ZBTB38: variants seen among roughly 807,000 people sequenced by gnomAD.
ZBTB38 encodes zinc finger and BTB domain containing 38, also known as zinc finger and BTB domain-containing protein 38.
Under a neutral mutation model 76.8 loss-of-function variants are expected in ZBTB38, and 20 were observed. The ratio of observed to expected loss-of-function variants is 0.26; its 90% CI spans 0.18 to 0.38. The LOEUF (loss-of-function observed/expected upper bound fraction) is 0.38, where lower values mean the gene tolerates loss of function less well. Ranked by LOEUF, ZBTB38 falls within the 10% of genes least tolerant of loss-of-function variation. The probability of loss-of-function intolerance (pLI) is 1.00; values close to 1 mark genes in which losing one functional copy is unlikely to be tolerated. For synonymous variants in ZBTB38, 504 were observed against 544.2 expected (o/e 0.93, Z 1.03); for missense variants, 1,082 against 1,482.3 (o/e 0.73, Z 4.43).
intron 1 of ZBTB38, among the ~76,000 whole-genome samples, chr3:141,338,896 G>A (rs957346784): frequency 2.6e-5 from 4 of 152,078 alleles, no homozygotes; most frequent in African/African-American, 9.7e-5. Context: ...GACAGAATAG[G>A]TAAACAAACA....
At chr3:141,377,900 G>T (rs1265256076) in intron 2 of ZBTB38, among the ~76,000 whole-genome samples, 1 of 152,172 alleles carries the variant, frequency 6.6e-6, no homozygotes, top group Non-Finnish European at 1.5e-5. Context: ...AAATCACAGT[G>T]ATAGGCCATG....
chr3:141,381,056 T>C (rs1428124135), intron 2 of ZBTB38, among the ~76,000 whole-genome samples: 1 of 152,344 alleles, frequency 6.6e-6, no homozygotes, highest in East Asian at 1.9e-4. Context: ...TGAATGTGTT[T>C]TGCCAATTCA....
At chr3:141,415,427 A>T (rs921401255) in intron 5 of ZBTB38, among the ~76,000 whole-genome samples, 2 of 152,110 alleles carry the variant, frequency 1.3e-5, no homozygotes, top group Non-Finnish European at 2.9e-5. Flanking sequence ...GAGTCCTGAC[A>T]TTTGCTACCC....
chr3:141,401,482 A>G (rs1951923924), intron 4 of ZBTB38, among the ~76,000 whole-genome samples: 1 of 152,168 alleles, frequency 6.6e-6, no homozygotes, highest in Admixed American at 6.5e-5. Context: ...TAATATTGGA[A>G]TCTATTCATC....
rs866399427 is a variant in ZBTB38, at chr3:141,354,179, T to C, written c.-738-14442T>C. ...AACTTTTAAAAAATACCATAAACGT[T>C]ATTACAAGGAAATCATTACTAACCT... On this transcript the variant is annotated intron_variant, in intron 1 of 7. Transcript: ENST00000509842. Among the ~76,000 whole-genome samples, 5 of 152,162 alleles carry C rather than the reference T, an allele frequency of 3.3e-5. No homozygotes were observed. The South Asian group carries it at 1.0e-3, about 32-fold the overall frequency.
rs982823431 is a variant in ZBTB38, at chr3:141,445,652, T to C, written c.3264T>C (p.His1088=). The change falls in exon 6 of 6, where the codon CAT becomes CAC. Residue 1088 remains histidine (H), a synonymous_variant. Coordinates refer to ENST00000321464, the MANE Select transcript of ZBTB38 (RefSeq NM_001376113.1). This position sits in a 1 kb window ranked among gnomAD's most constrained non-coding sequence, Gnocchi z 6.5. ...CCCTCAAAATCCATGAAAGAATCCA[T>C]ACTGGAGAAAAGCGTTACCACTGTC... ...NETLKIHERI[H]TGEKRYHCQF... 1.2e-6 allele frequency: 2 copies of C among 1,614,194 alleles called. No individual in the cohort carries two copies. The highest frequency in any genetic ancestry group is 1.1e-5 in the South Asian group (1 of 91,088).
chr3:141,406,120 A>G (rs1168586014), intron 5 of ZBTB38, among the ~76,000 whole-genome samples: 2 of 152,244 alleles, frequency 1.3e-5, no homozygotes, highest in African/African-American at 4.8e-5. Context: ...ACTGGAGAAC[A>G]TTCAGTGCCA....
chr3:141,426,774 AG>A (rs1475608364), intron 5 of ZBTB38, among the ~76,000 whole-genome samples: 4 of 152,202 alleles, frequency 2.6e-5, no homozygotes, highest in African/African-American at 9.7e-5. Context: ...CTTTGAACAA[AG>A]CATGTCGGTA....
intron 4 of ZBTB38, among the ~76,000 whole-genome samples, chr3:141,395,627 T>C (rs902698660): frequency 6.6e-6 from 1 of 152,218 alleles, no homozygotes; most frequent in African/African-American, 2.4e-5. Context: ...AATAATGATA[T>C]ACTATCATTC....
intron 1 of ZBTB38, among the ~76,000 whole-genome samples, chr3:141,345,225 G>C (rs1399982216): frequency 6.6e-6 from 1 of 152,082 alleles, no homozygotes; most frequent in Non-Finnish European, 1.5e-5. Flanking sequence ...AGCTCTAGTG[G>C]TTTCTGTGGG....
intron 4 of ZBTB38, among the ~76,000 whole-genome samples, chr3:141,403,416 A>T (rs1953073953): frequency 6.6e-6 from 1 of 152,238 alleles, no homozygotes; most frequent in Non-Finnish European, 1.5e-5. Context: ...AGATTGTGGG[A>T]TCAGTTTAGC....
intron 5 of ZBTB38, among the ~76,000 whole-genome samples, chr3:141,422,297 CA>C (rs1041691384): frequency 3.3e-5 from 5 of 152,184 alleles, no homozygotes; most frequent in African/African-American, 1.2e-4. Flanking sequence ...TCTCCTCCTG[CA>C]TCCTGCCCCA....
chr3:141,443,572 G>C lies in ZBTB38; in HGVS notation c.1184G>C (p.Arg395Thr), dbSNP rs1055935181. Residue 395 changes from arginine to threonine, a missense_variant, in exon 6 of 6, where the codon AGG becomes ACG. This residue lies in a region of ZBTB38 where 324 missense variants were observed against 359.1 expected (regional missense o/e 0.90). Transcript: ENST00000321464. The surrounding 1 kb of genome is among the most constrained non-coding windows in gnomAD (Gnocchi z 5.6). Reference sequence around the variant, plus strand: ...GATCGGCATGAACAGATCTGCATGAGGTCAAGCCACATGCCCATTCCTGGA... The same window carrying C: ...GATCGGCATGAACAGATCTGCATGACGTCAAGCCACATGCCCATTCCTGGA... ...RLDRHEQICM[R>T]SSHMPIPGGN... 1.9e-6 allele frequency: 3 copies of C among 1,614,154 alleles called. No homozygotes were observed.
intron 1 of ZBTB38, among the ~76,000 whole-genome samples, chr3:141,344,616 C>T (rs932072792): frequency 2.8e-4 from 42 of 152,180 alleles, no homozygotes; most frequent in Non-Finnish European, 2.9e-5. Context: ...TCAAGTGATC[C>T]TCCTGCCTTG....
intron 4 of ZBTB38, among the ~76,000 whole-genome samples, chr3:141,393,760 G>C (rs1949595905): frequency 1.3e-5 from 2 of 151,092 alleles, no homozygotes; most frequent in African/African-American, 5.0e-5. Context: ...AAGGTACCAG[G>C]GAGAAAGTGG....
At chr3:141,434,315 T>C (rs1280037766) in intron 5 of ZBTB38, 2 of 623,380 alleles carry the variant, frequency 3.2e-6, no homozygotes, top group African/African-American at 4.0e-5. Context: ...TAAGGCTTTA[T>C]TCAGGCAGAA....
chr3:141,346,782 T>TTTTGTGTGTGTGTGTGTG (rs150173767), intron 1 of ZBTB38, among the ~76,000 whole-genome samples: 438 of 144,674 alleles, frequency 3.0e-3, no homozygotes, highest in Non-Finnish European at 4.4e-3. Flanking sequence ...TTGTTTTGTT[T>TTTTGTGTGTGTGTGTGTG]TGTGTGTGTG....
At chr3:141,353,207 C>A (rs950584018) in intron 1 of ZBTB38, among the ~76,000 whole-genome samples, 3 of 152,070 alleles carry the variant, frequency 2.0e-5, no homozygotes, top group African/African-American at 7.3e-5. Flanking sequence ...CTGTCTCTGT[C>A]ACCTTCACCA....
intron 5 of ZBTB38, among the ~76,000 whole-genome samples, chr3:141,439,570 T>C (rs1443989979): frequency 6.6e-6 from 1 of 152,230 alleles, no homozygotes; most frequent in Non-Finnish European, 1.5e-5. Flanking sequence ...GGGCTTTGTA[T>C]ATTATAAATC....
Sources: allele counts gnomAD v4.1 joint callset (sites outside exome capture counted in the v4.1 genomes callset), GRCh38; gene constraint gnomAD v4.1.1; regional missense constraint gnomAD v4.1.1; non-coding constraint Gnocchi (gnomAD v3.1); transcripts MANE v1.5; gene names NCBI Gene and HGNC (gene_info 2026-07-23, HGNC 2026-07-21).